The following VEPH1 variants were observed in gnomAD, a reference collection of about 807,000 sequenced individuals.
VEPH1 encodes ventricular zone expressed PH domain containing 1.
In VEPH1, 80 loss-of-function variants were observed where a neutral mutation model predicts 85.2. That is an observed-to-expected ratio of 0.94 (90% confidence interval 0.78 to 1.13). The LOEUF is 1.13. Among genes scored for constraint, VEPH1 ranks in the 50% most tolerant of loss-of-function variants. The pLI, the probability that VEPH1 is intolerant of heterozygous loss-of-function variation, is 0.00. For missense variants in VEPH1, 955 were observed against 980.5 expected, an observed-to-expected ratio of 0.97 and a Z score of 0.35; for synonymous variants, 297 against 348.0, an observed-to-expected ratio of 0.85 and a Z score of 1.63.
chr3:157,424,568 A>G (rs1732612503), intron 5 of VEPH1, among the ~76,000 whole-genome samples: 1 of 152,190 alleles, frequency 6.6e-6, no homozygotes, highest in Non-Finnish European at 1.5e-5. Context: ...GATATAGACA[A>G]TAAGGTCCAG....
At chr3:157,397,230 C>T (rs1304523090) in intron 6 of VEPH1, among the ~76,000 whole-genome samples, 1 of 152,120 alleles carries the variant, frequency 6.6e-6, no homozygotes, top group South Asian at 2.1e-4. Context: ...TGTTGGAGGT[C>T]AGATGGTTGT....
chr3:157,398,794 AGTCATAT>A (rs150615453), intron 6 of VEPH1, among the ~76,000 whole-genome samples: 9,618 of 152,176 alleles, frequency 0.063, 365 homozygotes, highest in East Asian at 0.12. Context: ...AGATCTGCTG[AGTCATAT>A]GGCCCCAGAG....
intron 6 of VEPH1, among the ~76,000 whole-genome samples, chr3:157,405,270 T>A (rs1731062081): frequency 6.6e-6 from 1 of 152,142 alleles, no homozygotes; most frequent in Non-Finnish European, 1.5e-5. Flanking sequence ...TTACAAGACA[T>A]TGTTGAAAAT....
intron 7 of VEPH1, among the ~76,000 whole-genome samples, chr3:157,376,506 C>G (rs1335883233): frequency 6.6e-6 from 1 of 152,242 alleles, no homozygotes; most frequent in Non-Finnish European, 1.5e-5. Context: ...TTCTCCTTTG[C>G]AATGCATAAT....
At chr3:157,436,700 A>T in intron 4 of VEPH1, 4 of 446,938 alleles carry the variant, frequency 8.9e-6, no homozygotes, top group South Asian at 2.7e-5. Flanking sequence ...AATATTGTGC[A>T]ACTTCCACAT....
intron 11 of VEPH1, among the ~76,000 whole-genome samples, chr3:157,297,017 C>CATATTGGG (rs1718220062): frequency 6.6e-6 from 1 of 152,138 alleles, no homozygotes; most frequent in African/African-American, 2.4e-5. Context: ...CCTGTAATCC[C>CATATTGGG]AGCATATTGG....
chr3:157,464,286 G>A (rs1736159275), intron 3 of VEPH1, among the ~76,000 whole-genome samples: 1 of 152,172 alleles, frequency 6.6e-6, no homozygotes, highest in Non-Finnish European at 1.5e-5. Flanking sequence ...CAGTGGCTGA[G>A]CTTCACTTTC....
chr3:157,344,549 T>A (rs1452623009), intron 9 of VEPH1, among the ~76,000 whole-genome samples: 3 of 151,974 alleles, frequency 2.0e-5, no homozygotes, highest in Non-Finnish European at 4.4e-5. Context: ...AAATGGAACA[T>A]TCCATGCTCA....
chr3:157,491,104 A>C (rs1052678137), intron 2 of VEPH1, among the ~76,000 whole-genome samples: 1 of 152,164 alleles, frequency 6.6e-6, no homozygotes, highest in Non-Finnish European at 1.5e-5. Flanking sequence ...AAAAGCAACC[A>C]TGCATAGCTA....
At chr3:157,477,336 C>A (rs1737576823) in intron 2 of VEPH1, among the ~76,000 whole-genome samples, 2 of 152,026 alleles carry the variant, frequency 1.3e-5, no homozygotes, top group African/African-American at 4.8e-5. Flanking sequence ...CTTGTTTCCC[C>A]ACTTATAAGG....
chr3:157,335,756 G>T (rs910287721), intron 9 of VEPH1, among the ~76,000 whole-genome samples: 1 of 151,992 alleles, frequency 6.6e-6, no homozygotes, highest in African/African-American at 2.4e-5. Context: ...CAAATATTCT[G>T]CTGGGAAAAA....
chr3:157,450,265 G>A (rs981919689), intron 4 of VEPH1, among the ~76,000 whole-genome samples: 21 of 151,750 alleles, frequency 1.4e-4, no homozygotes, highest in African/African-American at 4.8e-4. Flanking sequence ...CTATGTTCCC[G>A]AGGCTGGTCT....
chr3:157,392,517 CA>C (rs560004413), intron 6 of VEPH1, among the ~76,000 whole-genome samples: 14 of 152,234 alleles, frequency 9.2e-5, no homozygotes, highest in African/African-American at 3.4e-4. Context: ...TGGTCTACAT[CA>C]GGGGTGTACA....
intron 7 of VEPH1, among the ~76,000 whole-genome samples, chr3:157,374,186 G>C (rs1727827398): frequency 6.6e-6 from 1 of 152,172 alleles, no homozygotes; most frequent in African/African-American, 2.4e-5. Context: ...CATGCACAGA[G>C]GAGTAACAAC....
At chr3:157,376,414 G>A (rs1728114343) in intron 7 of VEPH1, among the ~76,000 whole-genome samples, 1 of 152,166 alleles carries the variant, frequency 6.6e-6, no homozygotes, top group Non-Finnish European at 1.5e-5. Context: ...CTGGGCCCTG[G>A]CAGACAAATA....
chr3:157,309,845 T>C (rs919504315), intron 11 of VEPH1, among the ~76,000 whole-genome samples: 2 of 152,124 alleles, frequency 1.3e-5, no homozygotes, highest in African/African-American at 4.8e-5. Context: ...AGTGGCGGGA[T>C]CTTGGCTCAC....
intron 2 of VEPH1, among the ~76,000 whole-genome samples, chr3:157,481,352 A>G (rs1348656487): frequency 1.3e-5 from 2 of 151,306 alleles, no homozygotes; most frequent in Admixed American, 6.6e-5. Context: ...CAATCTATAC[A>G]TTCAACACAA....
intron 9 of VEPH1, among the ~76,000 whole-genome samples, chr3:157,325,958 C>A (rs1016235426): frequency 6.6e-6 from 1 of 152,170 alleles, no homozygotes; most frequent in Non-Finnish European, 1.5e-5. Flanking sequence ...TTTTTCCTAT[C>A]CATGACCATG....
At chr3:157,457,054 A>G (rs1275990396) in intron 4 of VEPH1, among the ~76,000 whole-genome samples, 1 of 151,994 alleles carries the variant, frequency 6.6e-6, no homozygotes, top group Admixed American at 6.6e-5. Flanking sequence ...TTCTTTGAGG[A>G]GTGTTTTGTA....
Sources: gnomAD v4.1 joint callset for allele counts (sites outside exome capture counted in the v4.1 genomes callset) on GRCh38, gnomAD v4.1.1 for gene constraint, MANE v1.5 for transcripts, NCBI Gene and HGNC (gene_info 2026-07-23, HGNC 2026-07-21) for gene names.